The following ZMYM4 variants were observed in gnomAD, a reference collection of about 807,000 sequenced individuals.
The protein encoded by ZMYM4 is zinc finger MYM-type containing 4.
Under a neutral mutation model 183.2 loss-of-function variants are expected in ZMYM4, and 31 were observed. That is an observed-to-expected ratio of 0.17 (90% CI 0.13 to 0.23). The LOEUF (loss-of-function observed/expected upper bound fraction) is 0.23, where lower values mean the gene tolerates loss of function less well. ZMYM4 is among the 10% of genes least tolerant of loss of function. The probability of loss-of-function intolerance (pLI) is 1.00; values close to 1 mark genes in which losing one functional copy is unlikely to be tolerated. For missense variants in ZMYM4, 1,273 were observed against 1,840.3 expected (o/e 0.69, Z 5.64); for synonymous variants, 592 against 631.2 (o/e 0.94, Z 0.93).
At chr1:35,339,071 G>A (rs1283008421) in intron 2 of ZMYM4, among the ~76,000 whole-genome samples, 1 of 152,092 alleles carries the variant, frequency 6.6e-6, no homozygotes, top group Non-Finnish European at 1.5e-5. Flanking sequence ...TTTGCCCTCT[G>A]TATCCATGGG....
At chr1:35,298,191 G>A (rs1641109119) in intron 1 of ZMYM4, among the ~76,000 whole-genome samples, 1 of 152,146 alleles carries the variant, frequency 6.6e-6, no homozygotes, top group Non-Finnish European at 1.5e-5. Flanking sequence ...ATTAAAAAAT[G>A]CCCCCCTGGG....
rs1033240429 is a variant in ZMYM4 at position 35,268,967 on chromosome 1, A to G, written c.-80A>G. Reference sequence around the variant, plus strand: ...GCTGCCGCGAGGCGGCCGTGCCTGCAGTGTGGGCGGGGGCCGGGGGGCCGA... The same window carrying G: ...GCTGCCGCGAGGCGGCCGTGCCTGCGGTGTGGGCGGGGGCCGGGGGGCCGA... On this transcript the variant is annotated 5_prime_UTR_variant, in exon 1 of 30. Transcript: ENST00000314607. 28 of 1,435,584 alleles carry G rather than the reference A, an allele frequency of 2.0e-5. No individual in the cohort carries two copies. The highest frequency in any genetic ancestry group is 2.4e-5 in the Non-Finnish European group (26 of 1,089,606). 88.9% of individuals were successfully genotyped at this position (1,435,584 alleles called of 1,614,324 possible). A position where few individuals can be genotyped will look rare whatever the true frequency, so the allele number is the denominator to read the frequency against.
chr1:35,351,531 T>C, intron 2 of ZMYM4: 1 of 1,257,124 alleles, frequency 8.0e-7, no homozygotes, highest in Non-Finnish European at 1.1e-6. Context: ...AAAATATCCC[T>C]TGCTCAGAAG....
Position 35,421,023 on chromosome 1 carries a change from T to A in ZMYM4, c.*1346T>A, listed in dbSNP as rs1640307798. The A allele has an allele frequency of 6.6e-6, 1 of 152,314 alleles. No homozygotes were observed. Among genetic ancestry groups the A allele is most frequent in the Non-Finnish European group, 1.5e-5 (1 of 68,052 alleles). The allele number at this position is 152,314 out of a possible 1,614,324, so 9.4% of individuals were successfully genotyped here. ...ACAAAATTTGGAATCAAAGCTTTTA[T>A]GACGTTTGCCAATTGCAGAACTTCT... is the stretch of plus-strand genomic sequence containing the variant. On this transcript the variant is annotated 3_prime_UTR_variant, in exon 30 of 30. Coordinates refer to ENST00000314607, the MANE Select transcript of ZMYM4 (RefSeq NM_005095.3).
At chr1:35,332,343 C>T (rs948784975) in intron 2 of ZMYM4, among the ~76,000 whole-genome samples, 1 of 150,946 alleles carries the variant, frequency 6.6e-6, no homozygotes, top group African/African-American at 2.4e-5. Flanking sequence ...TGGTGTAAAA[C>T]ACTTTTATTA....
chr1:35,371,215 A>G (rs1644206000), intron 7 of ZMYM4, among the ~76,000 whole-genome samples: 1 of 151,840 alleles, frequency 6.6e-6, no homozygotes, highest in Non-Finnish European at 1.5e-5. Flanking sequence ...TCCCGGGTTC[A>G]TGCCATTCTC....
At chr1:35,276,555 C>T (rs1557889826) in intron 1 of ZMYM4, among the ~76,000 whole-genome samples, 1 of 152,126 alleles carries the variant, frequency 6.6e-6, no homozygotes, top group Non-Finnish European at 1.5e-5. Context: ...TTACACATTT[C>T]ATTTAGTTTA....
rs892997746 is a variant in ZMYM4, at chr1:35,282,203, A to G, written c.39+13118A>G. 5.9e-5 allele frequency among the ~76,000 whole-genome samples: 9 copies of G among 152,360 alleles called. No homozygotes were observed. In the East Asian group the frequency reaches 1.3e-3, roughly 23 times the overall value. On this transcript the variant is annotated intron_variant, in intron 1 of 29. Transcript: ENST00000314607. ...AATTCATGTTGAAATTTGATTCCCA[A>G]TATGGCAGTATTAGGAGGTGGGCCC... is the stretch of plus-strand genomic sequence containing the variant.
At chr1:35,417,945 CT>C (rs1176291772) in intron 28 of ZMYM4, among the ~76,000 whole-genome samples, 3 of 151,768 alleles carry the variant, frequency 2.0e-5, no homozygotes, top group South Asian at 2.1e-4. Context: ...TGGGTGGAGG[CT>C]GCAGTGAGCG....
At chr1:35,307,719 A>G (rs1641603471) in intron 1 of ZMYM4, among the ~76,000 whole-genome samples, 1 of 150,278 alleles carries the variant, frequency 6.7e-6, no homozygotes, top group Non-Finnish European at 1.5e-5. Context: ...TGTTTTTAGT[A>G]GAGACAGGGT....
intron 1 of ZMYM4, among the ~76,000 whole-genome samples, chr1:35,314,957 A>C (rs1442997711): frequency 6.6e-6 from 1 of 151,778 alleles, no homozygotes; most frequent in Non-Finnish European, 1.5e-5. Flanking sequence ...CCCAGGAGGC[A>C]GAGTTTGCAG....
chr1:35,403,695 C>T (rs2149021548), intron 23 of ZMYM4, among the ~76,000 whole-genome samples: 1 of 152,138 alleles, frequency 6.6e-6, no homozygotes, highest in Admixed American at 6.5e-5. Context: ...ATTTCTTTTT[C>T]TTCTATTTGT....
intron 1 of ZMYM4, among the ~76,000 whole-genome samples, chr1:35,315,364 AC>A (rs1436009787): frequency 6.6e-6 from 1 of 152,198 alleles, no homozygotes; most frequent in African/African-American, 2.4e-5. Flanking sequence ...CATTGCTTCT[AC>A]GTAGAACTTT....
chr1:35,279,494 C>T lies in ZMYM4; in HGVS notation c.39+10409C>T, dbSNP rs146159226. Among the ~76,000 whole-genome samples, 657 of 152,264 alleles carry T rather than the reference C, an allele frequency of 4.3e-3. 5 individuals are homozygous for T. The highest frequency in any genetic ancestry group is 7.1e-3 in the Admixed American group (109 of 15,296). ...AGCATATGGTTGTCCAGCCACGTGG[C>T]CTGCTCTCTAGAACACACTTTTCTA... is the stretch of plus-strand genomic sequence containing the variant. On this transcript the variant is annotated intron_variant, in intron 1 of 29. Transcript: ENST00000314607.
At chr1:35,346,931 G>A (rs1643418229) in intron 2 of ZMYM4, among the ~76,000 whole-genome samples, 1 of 152,104 alleles carries the variant, frequency 6.6e-6, no homozygotes, top group Non-Finnish European at 1.5e-5. Flanking sequence ...TTTTAAAAAT[G>A]TAAAATCATT....
At chr1:35,369,931 AC>A in intron 5 of ZMYM4, 97 bp from the exon 6 acceptor site, 1 of 728,492 alleles carries the variant, frequency 1.4e-6, no homozygotes, top group South Asian at 2.3e-5. Context: ...AACATTTTCC[AC>A]CTCTATATAG....
intron 1 of ZMYM4, among the ~76,000 whole-genome samples, chr1:35,318,658 A>G (rs1458223053): frequency 6.6e-6 from 1 of 152,036 alleles, no homozygotes; most frequent in Non-Finnish European, 1.5e-5. Flanking sequence ...GGGTTTTACC[A>G]TCTTGGCCTG....
intron 1 of ZMYM4, among the ~76,000 whole-genome samples, chr1:35,276,031 C>T (rs1306880691): frequency 1.3e-5 from 2 of 151,816 alleles, no homozygotes; most frequent in Non-Finnish European, 2.9e-5. Flanking sequence ...AAAGATAGTC[C>T]TTTTTTTTGT....
At chr1:35,350,024 G>A (rs192050627) in intron 2 of ZMYM4, among the ~76,000 whole-genome samples, 2 of 150,452 alleles carry the variant, frequency 1.3e-5, no homozygotes, top group East Asian at 2.0e-4. Flanking sequence ...GTTCAGTGGC[G>A]CAGTCATAAC....
Sources: gnomAD v4.1 joint callset for allele counts (sites outside exome capture counted in the v4.1 genomes callset) on GRCh38, gnomAD v4.1.1 for gene constraint, MANE v1.5 for transcripts, NCBI Gene and HGNC (gene_info 2026-07-23, HGNC 2026-07-21) for gene names.